The following PCDH7 variants were observed in gnomAD, a reference collection of about 807,000 sequenced individuals.
PCDH7 encodes protocadherin-7.
In PCDH7, 17 loss-of-function variants were observed where a neutral mutation model predicts 58.9. The observed-to-expected ratio is 0.29, with a 90% CI of 0.20 to 0.43. PCDH7 has a LOEUF of 0.43. PCDH7 is among the 20% of genes least tolerant of loss of function. PCDH7 has a pLI of 1.00. For synonymous variants in PCDH7, 664 were observed against 616.4 expected, an observed-to-expected ratio of 1.08 and a Z score of -1.14; for missense variants, 1,274 against 1,441.0, an observed-to-expected ratio of 0.88 and a Z score of 1.88.
intron 1 of PCDH7, among the ~76,000 whole-genome samples, chr4:30,748,899 T>C (rs1718120200): frequency 6.6e-6 from 1 of 152,280 alleles, no homozygotes; most frequent in Middle Eastern, 3.4e-3. Flanking sequence ...GGGTGTTCTC[T>C]GGGACAACTT....
chr4:30,838,276 G>T (rs1260645069), intron 1 of PCDH7, among the ~76,000 whole-genome samples: 1 of 151,988 alleles, frequency 6.6e-6, no homozygotes, highest in African/African-American at 2.4e-5. Flanking sequence ...ATAGGCATGT[G>T]GTTCTCCCCA....
chr4:30,730,778 T>TG lies in PCDH7; in HGVS notation c.3201dup (p.Phe1068ValfsTer9). ...ATGCGTCTACATCCATACATTACTGTGTTTGGCTGAATTCCACTCTAATAT... is the reference window on the plus strand; with the variant it reads ...ATGCGTCTACATCCATACATTACTGTGGTTTGGCTGAATTCCACTCTAATAT... On this transcript the variant is annotated frameshift_variant, in exon 2 of 2. Coordinates refer to ENST00000361762, the Ensembl canonical transcript of PCDH7. LOFTEE classifies it high-confidence loss of function. The TG allele has an allele frequency of 6.2e-7, 1 of 1,608,464 alleles. No homozygotes were observed. Among genetic ancestry groups the TG allele is most frequent in the Non-Finnish European group, 8.5e-7 (1 of 1,178,320 alleles).
At chr4:30,861,038 G>A (rs73214913) in intron 1 of PCDH7, among the ~76,000 whole-genome samples, 4,725 of 152,222 alleles carry the variant, frequency 0.031, 192 homozygotes, top group African/African-American at 0.09. Flanking sequence ...AGTTTATGCA[G>A]GAAGATCTTA....
At chr4:30,843,915 T>TA (rs1012418027) in intron 1 of PCDH7, among the ~76,000 whole-genome samples, 11 of 151,230 alleles carry the variant, frequency 7.3e-5, no homozygotes, top group East Asian at 1.9e-4. Context: ...GTTTCACTGG[T>TA]AAAAAAATAA....
chr4:31,021,739 A>G (rs1388945161), intron 3 of PCDH7, among the ~76,000 whole-genome samples: 1 of 152,118 alleles, frequency 6.6e-6, no homozygotes, highest in African/African-American at 2.4e-5. Context: ...CTTCAGGTCC[A>G]GAGACACGAG....
intron 3 of PCDH7, among the ~76,000 whole-genome samples, chr4:30,978,209 T>C (rs1560549328): frequency 6.6e-6 from 1 of 152,218 alleles, no homozygotes. Flanking sequence ...TACTGATTAA[T>C]ATCCAGGATA....
intron 1 of PCDH7, chr4:30,730,697 A>G: frequency 1.4e-6 from 2 of 1,399,718 alleles, no homozygotes; most frequent in Non-Finnish European, 2.0e-6. Context: ...ACACTGGGGA[A>G]AATTTCTTTA....
chr4:30,977,304 G>A (rs1750159409), intron 3 of PCDH7, among the ~76,000 whole-genome samples: 1 of 152,176 alleles, frequency 6.6e-6, no homozygotes, highest in African/African-American at 2.4e-5. Context: ...ATACTTAGAA[G>A]CCCTTATCCC....
chr4:31,034,564 A>G (rs1755226312), intron 3 of PCDH7, among the ~76,000 whole-genome samples: 1 of 152,212 alleles, frequency 6.6e-6, no homozygotes. Flanking sequence ...TTTCAGATAA[A>G]CATCAGAATT....
intron 1 of PCDH7, among the ~76,000 whole-genome samples, chr4:30,752,387 TG>T (rs1718649274): frequency 6.6e-6 from 1 of 152,140 alleles, no homozygotes; most frequent in Non-Finnish European, 1.5e-5. Context: ...AGCAGGTTCA[TG>T]GATGATTTTT....
chr4:30,723,720 G>A lies in PCDH7; in HGVS notation c.2298G>A (p.Val766=). 1 of 1,614,164 alleles carries A rather than the reference G, an allele frequency of 6.2e-7. No individual in the cohort carries two copies. The highest frequency in any genetic ancestry group is 8.5e-7 in the Non-Finnish European group (1 of 1,180,024). ...ATGTCAGGACAGTAGTAGCTACAGT[G>A]TTGGCAACAGACAGTGATGATGGCA... Residue 766 remains valine (V), a synonymous_variant, in exon 1 of 2, where the codon GTG becomes GTA. Coordinates refer to ENST00000361762, the Ensembl canonical transcript of PCDH7. This position sits in a 1 kb window ranked among gnomAD's most constrained non-coding sequence, Gnocchi z 4.6.
At chr4:30,874,921 G>A (rs1736104746) in intron 1 of PCDH7, among the ~76,000 whole-genome samples, 1 of 151,898 alleles carries the variant, frequency 6.6e-6, no homozygotes, top group Admixed American at 6.6e-5. Flanking sequence ...TGTGGCTCCT[G>A]AATATATACT....
chr4:30,843,076 T>A (rs77786000), intron 1 of PCDH7, among the ~76,000 whole-genome samples: 2 of 152,086 alleles, frequency 1.3e-5, no homozygotes, highest in African/African-American at 2.4e-5. Context: ...TTTTTTTTTT[T>A]TATAATTTGA....
At chr4:30,724,881 C>T (rs1226954852) in intron 1 of PCDH7, 1 of 1,203,810 alleles carries the variant, frequency 8.3e-7, no homozygotes, top group African/African-American at 1.6e-5. Context: ...CTAATTCATA[C>T]TACATTTTTT....
At chr4:30,889,156 A>G (rs1286728281) in intron 1 of PCDH7, among the ~76,000 whole-genome samples, 1 of 148,608 alleles carries the variant, frequency 6.7e-6, no homozygotes, top group Admixed American at 6.7e-5. Context: ...AAAAAAAAAA[A>G]GCAAAAGAAA....
At chr4:30,903,216 A>G (rs565956588) in intron 1 of PCDH7, among the ~76,000 whole-genome samples, 8 of 152,218 alleles carry the variant, frequency 5.3e-5, no homozygotes, top group Non-Finnish European at 1.0e-4. Context: ...AAGTTTTTAT[A>G]TAAATAACTC....
Position 31,048,318 on chromosome 4 carries a change from G to A in PCDH7, c.*8-94155G>A, listed in dbSNP as rs915755865. ...AGACAAGAAGGTATACATCTATCAA[G>A]TCCAAAAACATGTTAACAATCAGAG... On this transcript the variant is annotated intron_variant, in intron 3 of 3. Coordinates refer to the PCDH7 transcript ENST00000509759. Among the ~76,000 whole-genome samples the A allele has an allele frequency of 8.5e-5, 13 of 152,132 alleles. 1 individual carries two copies. Among genetic ancestry groups the A allele is most frequent in the Admixed American group, 3.3e-4 (5 of 15,242 alleles).
Position 30,895,947 on chromosome 4 carries a change from G to T in PCDH7, c.71-24206G>T, listed in dbSNP as rs550466333. 1.3e-5 allele frequency among the ~76,000 whole-genome samples: 2 copies of T among 152,060 alleles called. 1 individual carries two copies. Among genetic ancestry groups the T allele is most frequent in the South Asian group, 4.1e-4 (2 of 4,820 alleles). On this transcript the variant is annotated intron_variant, in intron 1 of 3. Transcript: ENST00000509759. ...ACTCTATTGATGCTTTACTTCTTCC[G>T]CTTCATCTAATGCACCATACGTGGA... is the stretch of plus-strand genomic sequence containing the variant.
intron 3 of PCDH7, among the ~76,000 whole-genome samples, chr4:30,995,967 A>G (rs552658790): frequency 3.9e-5 from 6 of 152,274 alleles, no homozygotes; most frequent in Non-Finnish European, 8.8e-5. Flanking sequence ...ACCCCATGCC[A>G]TGTAACCTAA....
Sources: allele counts gnomAD v4.1 joint callset (sites outside exome capture counted in the v4.1 genomes callset), GRCh38; gene constraint gnomAD v4.1.1; non-coding constraint Gnocchi (gnomAD v3.1); transcripts MANE v1.5; gene names NCBI Gene and HGNC (gene_info 2026-07-23, HGNC 2026-07-21).